ANKFN1: variants seen among roughly 807,000 people sequenced by gnomAD.
ANKFN1 encodes ankyrin repeat and fibronectin type III domain containing 1, also known as ankyrin repeat and fibronectin type-III domain-containing protein 1.
ANKFN1 carries 74 observed loss-of-function variants against 108.7 expected under a neutral mutation model. That is an observed-to-expected ratio of 0.68 (90% confidence interval 0.56 to 0.83). The LOEUF is 0.83. ANKFN1 is among the 40% of genes least tolerant of loss of function. The probability of loss-of-function intolerance (pLI) is 0.00; values close to 1 mark genes in which losing one functional copy is unlikely to be tolerated. For synonymous variants in ANKFN1, 547 were observed against 516.2 expected, an observed-to-expected ratio of 1.06 and a Z score of -0.81; for missense variants, 1,505 against 1,382.3, an observed-to-expected ratio of 1.09 and a Z score of -1.41.
intron 3 of ANKFN1, among the ~76,000 whole-genome samples, chr17:56,236,199 A>G (rs1235090740): frequency 6.6e-6 from 1 of 151,940 alleles, no homozygotes; most frequent in East Asian, 1.9e-4. Flanking sequence ...CTGGGACTAC[A>G]GGCATGTGCG....
chr17:56,254,202 A>T (rs1204241144), intron 3 of ANKFN1: 1 of 152,256 alleles, frequency 6.6e-6, no homozygotes, highest in East Asian at 1.9e-4. Context: ...CCACTGCCCC[A>T]TTCTCACCAT....
intron 4 of ANKFN1, among the ~76,000 whole-genome samples, chr17:56,129,241 G>A (rs1432173011): frequency 4.6e-5 from 7 of 152,052 alleles, no homozygotes; most frequent in African/African-American, 1.2e-4. Context: ...TGGAGATGAC[G>A]CTTCTTCTCA....
At chr17:56,357,311 T>C (rs900726961) in intron 6 of ANKFN1, among the ~76,000 whole-genome samples, 1 of 152,336 alleles carries the variant, frequency 6.6e-6, no homozygotes, top group East Asian at 1.9e-4. Context: ...AGGATAAAGT[T>C]ATTAACTCCA....
At chr17:56,117,581 A>G (rs1045155974) in intron 4 of ANKFN1, among the ~76,000 whole-genome samples, 4 of 152,184 alleles carry the variant, frequency 2.6e-5, no homozygotes, top group Non-Finnish European at 5.9e-5. Flanking sequence ...CTTTAAAGTT[A>G]GGCTTTCTGT....
chr17:56,311,130 TTCTC>T (rs139801596), intron 3 of ANKFN1, among the ~76,000 whole-genome samples: 4 of 151,212 alleles, frequency 2.6e-5, no homozygotes, highest in African/African-American at 7.3e-5. Context: ...TACATAATAT[TTCTC>T]TCTCTCTCTC....
intron 4 of ANKFN1, among the ~76,000 whole-genome samples, chr17:56,110,298 T>A (rs1175752864): frequency 6.6e-6 from 1 of 152,220 alleles, no homozygotes; most frequent in Non-Finnish European, 1.5e-5. Flanking sequence ...CCGTCCCATT[T>A]ATCTAGTTAA....
intron 1 of ANKFN1, among the ~76,000 whole-genome samples, chr17:56,155,371 A>G (rs546449043): frequency 6.6e-6 from 1 of 152,336 alleles, no homozygotes; most frequent in East Asian, 1.9e-4. Flanking sequence ...CACTGCTGAG[A>G]GGTCTGAATC....
intron 4 of ANKFN1, among the ~76,000 whole-genome samples, chr17:56,083,556 G>T (rs1283464212): frequency 6.6e-6 from 1 of 151,496 alleles, no homozygotes; most frequent in Non-Finnish European, 1.5e-5. Flanking sequence ...ACTGGCTCTT[G>T]AAATGATTCT....
chr17:56,343,803 C>A (rs1231467504), intron 4 of ANKFN1, among the ~76,000 whole-genome samples: 1 of 151,828 alleles, frequency 6.6e-6, no homozygotes, highest in African/African-American at 2.4e-5. Flanking sequence ...CTTGATTGAT[C>A]TATCTTTATG....
At chr17:56,250,291 G>T (rs976644878) in intron 3 of ANKFN1, among the ~76,000 whole-genome samples, 1 of 152,108 alleles carries the variant, frequency 6.6e-6, no homozygotes, top group Admixed American at 6.5e-5. Context: ...GGCAAGTAAG[G>T]CTTCATCTTA....
intron 18 of ANKFN1, among the ~76,000 whole-genome samples, chr17:56,484,001 G>A (rs1315890071): frequency 6.6e-6 from 1 of 152,178 alleles, no homozygotes; most frequent in East Asian, 1.9e-4. Context: ...TCTCAAAGAA[G>A]ATATGAGAAA....
chr17:56,047,742 C>T (rs1368827293), intron 4 of ANKFN1, among the ~76,000 whole-genome samples: 1 of 152,104 alleles, frequency 6.6e-6, no homozygotes, highest in Non-Finnish European at 1.5e-5. Flanking sequence ...AGCAAGAGGG[C>T]TCAGGTGGCC....
At position 56,372,671 on chromosome 17, in the gene ANKFN1, G is replaced by A. The variant is rs762113360; in HGVS notation, c.627G>A (p.Met209Ile). The change falls in exon 7 of 21, where the codon ATG becomes ATA. Residue 209 changes from methionine to isoleucine, a missense_variant. Coordinates refer to ENST00000682825, the MANE Select transcript of ANKFN1 (RefSeq NM_001370326.1). ...TTGTCAGCCTGGAAAGCCGAGCAAT[G>A]CACCTCAACACACTGGTCCAGGAAG... ...PHFVSLESRA[M>I]HLNTLVQEAQ... 7.1e-5 allele frequency: 114 copies of A among 1,612,896 alleles called. No homozygotes were observed. The highest frequency in any genetic ancestry group is 8.8e-5 in the Non-Finnish European group (104 of 1,179,776).
At chr17:56,364,872 C>T (rs1268637832) in intron 6 of ANKFN1, among the ~76,000 whole-genome samples, 1 of 152,170 alleles carries the variant, frequency 6.6e-6, no homozygotes, top group Admixed American at 6.5e-5. Flanking sequence ...ATCTCTAAAA[C>T]CTTTTTGGAA....
At chr17:56,328,107 T>A (rs1389596987) in intron 4 of ANKFN1, among the ~76,000 whole-genome samples, 1 of 152,186 alleles carries the variant, frequency 6.6e-6, no homozygotes, top group Non-Finnish European at 1.5e-5. Flanking sequence ...TATTGATTAG[T>A]GATAACTGAT....
intron 4 of ANKFN1, among the ~76,000 whole-genome samples, chr17:56,055,441 C>CTGTG (rs71137187): frequency 2.1e-5 from 3 of 144,406 alleles, no homozygotes; most frequent in African/African-American, 7.8e-5. Flanking sequence ...CCCATTATGT[C>CTGTG]TGTGTGTGTG....
chr17:56,399,942 GATATAT>G, intron 8 of ANKFN1, among the ~76,000 whole-genome samples: 1 of 143,678 alleles, frequency 7.0e-6, no homozygotes, highest in African/African-American at 2.5e-5. Flanking sequence ...TATATACAGT[GATATAT>G]ATATATATAT....
intron 3 of ANKFN1, among the ~76,000 whole-genome samples, chr17:56,291,619 A>G (rs1282282143): frequency 1.3e-5 from 2 of 152,198 alleles, no homozygotes; most frequent in Admixed American, 1.3e-4. Flanking sequence ...AGTGGCCTAG[A>G]GTAACCTTCA....
At chr17:56,391,141 A>G (rs2047412020) in intron 8 of ANKFN1, among the ~76,000 whole-genome samples, 1 of 149,930 alleles carries the variant, frequency 6.7e-6, no homozygotes, top group South Asian at 2.1e-4. Context: ...CAAGCTGCAC[A>G]TTGGAATCAC....
Sources: allele counts gnomAD v4.1 joint callset (sites outside exome capture counted in the v4.1 genomes callset), GRCh38; gene constraint gnomAD v4.1.1; transcripts MANE v1.5; gene names NCBI Gene and HGNC (gene_info 2026-07-23, HGNC 2026-07-21).